The following P2RX5 variants were observed in gnomAD, a reference collection of about 807,000 sequenced individuals.
The protein encoded by P2RX5 is P2X purinoceptor 5.
A neutral mutation model predicts 54.1 loss-of-function variants in P2RX5; 46 were observed. The ratio of observed to expected loss-of-function variants is 0.85; its 90% CI spans 0.67 to 1.09. P2RX5 has a LOEUF of 1.09. P2RX5 is among the 50% of genes least tolerant of loss of function. The pLI is 0.00. For missense variants in P2RX5, 566 were observed against 549.8 expected, an observed-to-expected ratio of 1.03 and a Z score of -0.29; for synonymous variants, 226 against 226.4, an observed-to-expected ratio of 1.00 and a Z score of 0.02.
chr17:3,703,184 G>C, the P2RX5 span, among the ~76,000 whole-genome samples: 1 of 152,102 alleles, frequency 6.6e-6, no homozygotes, highest in Non-Finnish European at 1.5e-5. Context: ...TAGAGACAGG[G>C]GAATTACTCC....
chr17:3,685,007 G>A (rs1168123949), intron 9 of P2RX5, among the ~76,000 whole-genome samples: 2 of 152,032 alleles, frequency 1.3e-5, no homozygotes, highest in Admixed American at 1.3e-4. Flanking sequence ...CACCACACCT[G>A]GCTAATTTTT....
At chr17:3,675,862 T>C (rs1272260496) in intron 11 of P2RX5, 1 of 985,224 alleles carries the variant, frequency 1.0e-6, no homozygotes. Flanking sequence ...GGATCTTTAC[T>C]TTCTAATCAG....
At chr17:3,702,013 A>T in the P2RX5 span, among the ~76,000 whole-genome samples, 1 of 152,128 alleles carries the variant, frequency 6.6e-6, no homozygotes, top group Non-Finnish European at 1.5e-5. Context: ...TCCTGGCCTC[A>T]AGTGATCCAC....
chr17:3,676,352 C>A (rs559951253), intron 11 of P2RX5: 14 of 985,438 alleles, frequency 1.4e-5, no homozygotes, highest in Admixed American at 6.1e-5. Flanking sequence ...AGAAACCACA[C>A]GAGTTTTCGG....
Position 3,688,678 on chromosome 17 carries a change from T to A in P2RX5, c.835A>T (p.Ser279Cys). 1 of 1,613,970 alleles carries A rather than the reference T, an allele frequency of 6.2e-7. No homozygotes were observed. Among genetic ancestry groups the A allele is most frequent in the Non-Finnish European group, 8.5e-7 (1 of 1,179,900 alleles). ...TTTGAAAGTTTATTGTCCAGACGGC[T>A]AAAAGAATAGTGAGGGTGGCACTCA... Reference protein sequence around the residue: ...ASECHPHYSFSRLDNKLSKSV... With the variant: ...ASECHPHYSFCRLDNKLSKSV... The change falls in exon 8 of 12, where the codon AGC becomes TGC. Residue 279 changes from serine to cysteine, a missense_variant. Transcript: ENST00000225328.
intron 1 of P2RX5, among the ~76,000 whole-genome samples, chr17:3,692,313 T>A (rs2050641967): frequency 6.6e-6 from 1 of 151,434 alleles, no homozygotes; most frequent in Non-Finnish European, 1.5e-5. Context: ...TGAGATTCTG[T>A]CTCAAAAAAT....
At chr17:3,708,431 G>A in the P2RX5 span, among the ~76,000 whole-genome samples, 1 of 147,016 alleles carries the variant, frequency 6.8e-6, no homozygotes, top group Non-Finnish European at 1.5e-5. Flanking sequence ...GTTTGAACTG[G>A]ACAAGAAAGA....
chr17:3,673,883 A>C lies in P2RX5; in HGVS notation c.1260-6T>G. ...CAGAGGCAATTCACGTGCTCCTGGA[A>C]TATCAGAACAGAAAGGAGCTCTTGA... is the stretch of plus-strand genomic sequence containing the variant. On this transcript the variant is annotated splice_polypyrimidine_tract_variant and splice_region_variant and intron_variant, in intron 11 of 11. Coordinates refer to ENST00000225328, the MANE Select transcript of P2RX5 (RefSeq NM_002561.4). 4 of 1,611,402 alleles carry C rather than the reference A, an allele frequency of 2.5e-6. No individual in the cohort carries two copies. Among genetic ancestry groups the C allele is most frequent in the Non-Finnish European group, 3.4e-6 (4 of 1,178,942 alleles).
the P2RX5 span, chr17:3,723,636 C>A: frequency 6.7e-7 from 1 of 1,500,134 alleles, no homozygotes; most frequent in Non-Finnish European, 9.0e-7. Flanking sequence ...CCTCTCGTTA[C>A]CCGCTTCAGG....
upstream of P2RX5, among the ~76,000 whole-genome samples, chr17:3,698,985 C>A (rs577509362): frequency 6.6e-6 from 1 of 150,808 alleles, no homozygotes. Flanking sequence ...GCAGCAGAAC[C>A]GCTTGAGCCC....
rs567237140 is a variant in P2RX5 at position 3,689,477 on chromosome 17, G to T, written c.753+15C>A. ...CAGGCCCTCAGGGAGGGCTCCCTGC[G>T]TGCACCCCACCCACCTCCAGGGCTA... is the stretch of plus-strand genomic sequence containing the variant. On this transcript the variant is annotated intron_variant, in intron 7 of 11. Transcript: ENST00000225328. The T allele has an allele frequency of 7.6e-4, 1,227 of 1,613,576 alleles. 15 individuals are homozygous for T. In the South Asian group the frequency reaches 0.013, roughly 17 times the overall value.
chr17:3,681,073 G>A (rs540705040), intron 10 of P2RX5, among the ~76,000 whole-genome samples: 30 of 147,228 alleles, frequency 2.0e-4, no homozygotes, highest in African/African-American at 5.9e-4. Flanking sequence ...TCCACCCAGC[G>A]TCCTCCACCC....
Position 3,691,819 on chromosome 17 carries a change from G to A in P2RX5, c.138-25C>T, listed in dbSNP as rs370090169. On this transcript the variant is annotated intron_variant, in intron 1 of 11. Transcript: ENST00000225328. Reference sequence around the variant, plus strand: ...TCTGTGGGAAGGGGGCCGGTACGTGGGCATCAGCCACTCTGCTGGCTTCGG... The same window carrying A: ...TCTGTGGGAAGGGGGCCGGTACGTGAGCATCAGCCACTCTGCTGGCTTCGG... The A allele has an allele frequency of 4.3e-6, 7 of 1,613,714 alleles. No homozygotes were observed. In the African/African-American group the frequency reaches 9.3e-5, roughly 22 times the overall value.
upstream of P2RX5, among the ~76,000 whole-genome samples, chr17:3,698,624 T>A (rs1207256723): frequency 6.6e-6 from 1 of 152,180 alleles, no homozygotes; most frequent in East Asian, 1.9e-4. Context: ...GCCCTCCATG[T>A]CCTGTCTTAA....
intron 9 of P2RX5, 157 bp from the exon 10 acceptor site, chr17:3,682,135 G>T: frequency 1.5e-6 from 1 of 679,234 alleles, no homozygotes; most frequent in South Asian, 1.5e-5. Context: ...GGGCACCCTT[G>T]TCCGACACCA....
rs201790637 is a variant in P2RX5, at chr17:3,691,596, C to T, written c.288+48G>A. 25 of 1,611,558 alleles carry T rather than the reference C, an allele frequency of 1.6e-5. No homozygotes were observed. In the African/African-American group the frequency reaches 2.9e-4, roughly 19 times the overall value. ...AGCTTCCCGTGTGACCCACCCGAACCAGGCAGTCCCTGCCAGCCTTGGCCG... is the reference window on the plus strand; with the variant it reads ...AGCTTCCCGTGTGACCCACCCGAACTAGGCAGTCCCTGCCAGCCTTGGCCG... On this transcript the variant is annotated intron_variant, in intron 2 of 11. Transcript: ENST00000225328.
intron 9 of P2RX5, among the ~76,000 whole-genome samples, chr17:3,683,729 C>CAAAAAAA (rs59622313): frequency 1.7e-5 from 1 of 58,596 alleles, no homozygotes; most frequent in African/African-American, 5.5e-5. Flanking sequence ...GACTCCGTCT[C>CAAAAAAA]AAAAAAAAAA....
intron 9 of P2RX5, among the ~76,000 whole-genome samples, chr17:3,684,144 C>T (rs770733837): frequency 3.9e-5 from 6 of 152,266 alleles, no homozygotes; most frequent in East Asian, 3.8e-4. Flanking sequence ...GAGCCGCTCC[C>T]GGCCCCACTG....
chr17:3,716,538 T>C, the P2RX5 span: 1 of 628,768 alleles, frequency 1.6e-6, no homozygotes, highest in Non-Finnish European at 2.9e-6. Context: ...CTCATTTGTC[T>C]AAATGGGGGT....
Sources: allele counts gnomAD v4.1 joint callset (sites outside exome capture counted in the v4.1 genomes callset), GRCh38; gene constraint gnomAD v4.1.1; transcripts MANE v1.5; gene names NCBI Gene and HGNC (gene_info 2026-07-23, HGNC 2026-07-21).